Variants in PNPLA6 observed in about 807,000 individuals in gnomAD.
PNPLA6 encodes patatin-like phospholipase domain-containing protein 6.
PNPLA6 carries 105 observed loss-of-function variants against 153.7 expected under a neutral mutation model. The ratio of observed to expected loss-of-function variants is 0.68; its 90% CI spans 0.58 to 0.80. The LOEUF (loss-of-function observed/expected upper bound fraction) is 0.80. PNPLA6 is among the 30% of genes least tolerant of loss of function. The pLI, the probability that PNPLA6 is intolerant of heterozygous loss-of-function variation, is 0.00. For missense variants in PNPLA6, 1,423 were observed against 1,919.3 expected (o/e 0.74, Z 4.83); for synonymous variants, 825 against 822.2 (o/e 1.00, Z -0.06).
rs754400709 is a variant in PNPLA6, at chr19:7,541,713, C to T, written c.1168+29C>T. 2 of 1,552,668 alleles carry T rather than the reference C, an allele frequency of 1.3e-6. No individual in the cohort carries two copies. Among genetic ancestry groups the T allele is most frequent in the Non-Finnish European group, 1.7e-6 (2 of 1,152,978 alleles). On this transcript the variant is annotated intron_variant, in intron 9 of 31. Transcript: ENST00000600737. This position sits in a 1 kb window ranked among gnomAD's most constrained non-coding sequence, Gnocchi z 5.2. ...CCCAGGGACCCGAGGCCAGCCGAGCCCAATCTCCCAGGAAGCCCCGTCTCA... is the reference window on the plus strand; with the variant it reads ...CCCAGGGACCCGAGGCCAGCCGAGCTCAATCTCCCAGGAAGCCCCGTCTCA...
At chr19:7,546,562 C>T (rs960725191) in intron 13 of PNPLA6, among the ~76,000 whole-genome samples, 9 of 152,168 alleles carry the variant, frequency 5.9e-5, no homozygotes, top group African/African-American at 1.9e-4. Context: ...CTGCACCTGG[C>T]CATGCCCACC....
At chr19:7,556,930 G>C (rs114611948) in intron 26 of PNPLA6, 1 of 685,184 alleles carries the variant, frequency 1.5e-6, no homozygotes, top group Non-Finnish European at 2.7e-6. Flanking sequence ...AGGGAGACTC[G>C]TCGGACGCCT....
rs1347852423 is a variant in PNPLA6, at chr19:7,553,809, G to A, written c.2261-66G>A. The A allele has an allele frequency of 1.9e-6, 3 of 1,592,616 alleles. No individual in the cohort carries two copies. The Admixed American group carries it at 5.0e-5, about 27-fold the overall frequency. On this transcript the variant is annotated intron_variant, in intron 18 of 31. Transcript: ENST00000600737. ...ATAAGGAGGAAGAGGAAGAAGAGGAGGAGGAGGGTTCATCTCTCTGGACAC... is the reference window on the plus strand; with the variant it reads ...ATAAGGAGGAAGAGGAAGAAGAGGAAGAGGAGGGTTCATCTCTCTGGACAC...
At chr19:7,546,513 A>G (rs2023393405) in intron 13 of PNPLA6, among the ~76,000 whole-genome samples, 1 of 152,210 alleles carries the variant, frequency 6.6e-6, no homozygotes, top group Non-Finnish European at 1.5e-5. Context: ...GCATGCCTGT[A>G]GTCCCAGCTA....
At position 7,535,852 on chromosome 19, in the gene PNPLA6, G is replaced by A; in HGVS notation, c.64G>A (p.Gly22Arg). Reference protein sequence around the residue: ...SSGAKVAERDGFQDVLAPGEG... With the variant: ...SSGAKVAERDRFQDVLAPGEG... ...GGGGGCGAAGGTGGCGGAGAGGGAT[G>A]GGTTCCAGGACGTCCTGGCGCCCGG... Residue 22 changes from glycine (G) to arginine (R), a missense_variant, in exon 1 of 32, where the codon GGG becomes AGG. Around this residue, in one of 10 missense-constraint regions of PNPLA6, gnomAD observed 109 missense variants for 109.4 expected, o/e 1.00. Transcript: ENST00000600737. The surrounding 1 kb of genome is among the most constrained non-coding windows in gnomAD (Gnocchi z 5.0). 1 of 1,538,428 alleles carries A rather than the reference G, an allele frequency of 6.5e-7. No individual in the cohort carries two copies. Among genetic ancestry groups the A allele is most frequent in the Non-Finnish European group, 8.7e-7 (1 of 1,147,406 alleles).
intron 19 of PNPLA6, 52 bp from the exon 20 acceptor site, chr19:7,554,157 C>A: frequency 6.3e-7 from 1 of 1,586,712 alleles, no homozygotes; most frequent in Non-Finnish European, 8.7e-7. Flanking sequence ...CTGAGTTAGG[C>A]CCCAGCCCTG....
chr19:7,551,533 A>G (rs2023651024), intron 18 of PNPLA6, 96 bp downstream of exon 18: 1 of 1,089,108 alleles, frequency 9.2e-7, no homozygotes, highest in Non-Finnish European at 1.4e-6. Context: ...ATGCTGGGAA[A>G]TGGAGTTCCG....
At chr19:7,560,817 A>C in intron 29 of PNPLA6, 53 bp downstream of exon 29, 2 of 1,230,988 alleles carry the variant, frequency 1.6e-6, no homozygotes, top group Non-Finnish European at 1.2e-6. Flanking sequence ...TACAGAACCC[A>C]AGCCCCCTTA....
chr19:7,539,148 A>G (rs1275884692), intron 3 of PNPLA6, among the ~76,000 whole-genome samples: 1 of 152,248 alleles, frequency 6.6e-6, no homozygotes, highest in Admixed American at 6.5e-5. Context: ...AAATACATGA[A>G]TGTGGCTTTG....
At position 7,551,547 on chromosome 19, in the gene PNPLA6, A is replaced by C. The variant is rs1306424917; in HGVS notation, c.2260+110A>C. On this transcript the variant is annotated intron_variant, in intron 18 of 31. Coordinates refer to ENST00000600737, the MANE Select transcript of PNPLA6 (RefSeq NM_001166114.2). ...GATGCTGGGAAATGGAGTTCCGCGAAGAAATCGTGCCCCTGAGGGTTTCAA... is the reference window on the plus strand; with the variant it reads ...GATGCTGGGAAATGGAGTTCCGCGACGAAATCGTGCCCCTGAGGGTTTCAA... 3.0e-5 allele frequency: 29 copies of C among 957,766 alleles called. No homozygotes were observed. In the East Asian group the frequency reaches 3.3e-4, roughly 11 times the overall value. 59.3% of individuals were successfully genotyped at this position (957,766 alleles called of 1,614,324 possible). A position where few individuals can be genotyped will look rare whatever the true frequency, so the allele number is the denominator to read the frequency against.
Position 7,556,771 on chromosome 19 carries a change from G to A in PNPLA6, c.3280+47G>A, listed in dbSNP as rs1362486498. The A allele has an allele frequency of 2.9e-6, 4 of 1,366,454 alleles. 1 individual carries two copies. In the South Asian group the frequency reaches 4.6e-5, roughly 16 times the overall value. 84.6% of individuals were successfully genotyped at this position (1,366,454 alleles called of 1,614,324 possible). On this transcript the variant is annotated intron_variant, in intron 26 of 31. Transcript: ENST00000600737. The stretch of plus-strand genomic sequence containing the variant: ...GCAGCAACCGCTGACGCCACGTGGG[G>A]TTGGGGGGATGCTTCCGGGAGGGCC...
At chr19:7,559,188 G>T (rs979523251) in intron 28 of PNPLA6, 37 bp downstream of exon 28, 27 of 1,586,920 alleles carry the variant, frequency 1.7e-5, no homozygotes, top group Non-Finnish European at 2.3e-5. Flanking sequence ...CTGCATAGGT[G>T]GTCCGGCTAA....
In PNPLA6 at chr19:7,540,499, C is replaced by T. The variant is rs1599272621; in HGVS notation, c.715-131C>T. ...AGTATTGAACGATGGGAGATGCCTG[C>T]TCGTTGGAAGGGTTGGTGGGTTCCC... On this transcript the variant is annotated intron_variant, in intron 5 of 31. Coordinates refer to ENST00000600737, the MANE Select transcript of PNPLA6 (RefSeq NM_001166114.2). This position sits in a 1 kb window ranked among gnomAD's most constrained non-coding sequence, Gnocchi z 6.8. 1.0e-6 allele frequency: 1 copy of T among 989,858 alleles called. No individual in the cohort carries two copies. The highest frequency in any genetic ancestry group is 1.6e-5 in the African/African-American group (1 of 63,358). 61.3% of individuals were successfully genotyped at this position (989,858 alleles called of 1,614,324 possible). A position where few individuals can be genotyped will look rare whatever the true frequency, so the allele number is the denominator to read the frequency against.
In PNPLA6 at chr19:7,554,033, C is replaced by T; in HGVS notation, c.2401+18C>T. On this transcript the variant is annotated intron_variant, in intron 19 of 31. Transcript: ENST00000600737. ...GGCCATCGGTCAGTGGGGTGAGGGT[C>T]ATGGGTGGGGGCTGGCGGTGGGTGG... 2.5e-6 allele frequency: 3 copies of T among 1,203,504 alleles called. No individual in the cohort carries two copies. Among genetic ancestry groups the T allele is most frequent in the Non-Finnish European group, 3.6e-6 (3 of 844,882 alleles). The allele number at this position is 1,203,504 out of a possible 1,614,324, so 74.6% of individuals were successfully genotyped here.
chr19:7,549,301 C>T (rs1430236237), intron 13 of PNPLA6, among the ~76,000 whole-genome samples: 4 of 150,154 alleles, frequency 2.7e-5, no homozygotes, highest in African/African-American at 9.8e-5. Flanking sequence ...ATTCTCCTGC[C>T]TCAGCCTCCC....
At chr19:7,546,612 T>G (rs2023397302) in intron 13 of PNPLA6, among the ~76,000 whole-genome samples, 1 of 152,182 alleles carries the variant, frequency 6.6e-6, no homozygotes, top group Non-Finnish European at 1.5e-5. Flanking sequence ...TTTCGCCATG[T>G]TGGCCAGGAT....
At chr19:7,556,613 G>A (rs1389782434) in intron 25 of PNPLA6, 42 bp from the exon 26 acceptor site, 2 of 1,593,456 alleles carry the variant, frequency 1.3e-6, no homozygotes, top group South Asian at 1.1e-5. Context: ...CTCCCCGGAG[G>A]AGCCCCCTGC....
intron 10 of PNPLA6, 45 bp from the exon 11 acceptor site, chr19:7,542,516 T>C (rs1445523304): frequency 1.4e-6 from 2 of 1,440,518 alleles, no homozygotes; most frequent in Admixed American, 1.7e-5. Flanking sequence ...TTAAAAATCT[T>C]ACTCTCATCT....
In PNPLA6 at chr19:7,561,005, A is replaced by G. The variant is rs540467725; in HGVS notation, c.3817-9A>G. ...CCCCCCTAAGAGCCTCACCAGTGTC[A>G]CCCCACAGGTGCTTGCCTTCCCAAG... is the stretch of plus-strand genomic sequence containing the variant. On this transcript the variant is annotated splice_polypyrimidine_tract_variant and intron_variant, in intron 29 of 31. Transcript: ENST00000600737. 5.0e-6 allele frequency: 8 copies of G among 1,595,574 alleles called. No homozygotes were observed. In the South Asian group the frequency reaches 9.0e-5, roughly 18 times the overall value.
Sources: allele counts gnomAD v4.1 joint callset (sites outside exome capture counted in the v4.1 genomes callset), GRCh38; gene constraint gnomAD v4.1.1; regional missense constraint gnomAD v4.1.1; non-coding constraint Gnocchi (gnomAD v3.1); transcripts MANE v1.5; gene names NCBI Gene and HGNC (gene_info 2026-07-23, HGNC 2026-07-21).